The following ME3 variants were observed in gnomAD, a reference collection of about 807,000 sequenced individuals.
The protein encoded by ME3 is NADP-dependent malic enzyme, mitochondrial.
ME3 carries 48 observed loss-of-function variants against 68.9 expected under a neutral mutation model. The ratio of observed to expected loss-of-function variants is 0.70; its 90% CI spans 0.55 to 0.89. The LOEUF is 0.89. Ranked by LOEUF, ME3 falls within the 40% of genes least tolerant of loss-of-function variation. The pLI, the probability that ME3 is intolerant of heterozygous loss-of-function variation, is 0.00. For missense variants in ME3, 675 were observed against 797.4 expected (o/e 0.85, Z 1.85); for synonymous variants, 320 against 318.8 (o/e 1.00, Z -0.04).
chr11:86,608,723 A>G (rs1942336165), intron 2 of ME3, among the ~76,000 whole-genome samples: 1 of 152,250 alleles, frequency 6.6e-6, no homozygotes, highest in Admixed American at 6.5e-5. Context: ...AAACTTTACT[A>G]TTCTCTAAAT....
intron 7 of ME3, among the ~76,000 whole-genome samples, chr11:86,476,726 T>C (rs1021399782): frequency 1.3e-5 from 2 of 152,150 alleles, no homozygotes; most frequent in African/African-American, 4.8e-5. Context: ...CAAAACTGAA[T>C]AGGTCTGTGT....
chr11:86,486,517 G>A (rs1951695532), intron 7 of ME3, among the ~76,000 whole-genome samples: 1 of 152,210 alleles, frequency 6.6e-6, no homozygotes, highest in African/African-American at 2.4e-5. Flanking sequence ...GGTTGGAGAA[G>A]CTGAGCTTGG....
intron 2 of ME3, among the ~76,000 whole-genome samples, chr11:86,631,837 A>G (rs573477897): frequency 1.3e-5 from 2 of 152,218 alleles, no homozygotes; most frequent in Admixed American, 6.5e-5. Flanking sequence ...GGTTCAAGCA[A>G]TTCTCCTGCC....
At chr11:86,645,051 T>C (rs1944911138) in intron 2 of ME3, among the ~76,000 whole-genome samples, 1 of 152,234 alleles carries the variant, frequency 6.6e-6, no homozygotes, top group African/African-American at 2.4e-5. Flanking sequence ...CTTTTCCCAC[T>C]GTCTTTGCAA....
At position 86,595,302 on chromosome 11, in the gene ME3, T is replaced by G. The variant is rs1029103809; in HGVS notation, c.184-35479A>C. Among the ~76,000 whole-genome samples, 46 of 63,166 alleles carry G rather than the reference T, an allele frequency of 7.3e-4. 2 individuals carry two copies. The highest frequency in any genetic ancestry group is 1.7e-3 in the African/African-American group (33 of 19,216). 41.4% of individuals were successfully genotyped at this position (63,166 alleles called of 152,430 possible). A position where few individuals can be genotyped will look rare whatever the true frequency, so the allele number is the denominator to read the frequency against. On this transcript the variant is annotated intron_variant, in intron 2 of 14. Coordinates refer to ENST00000543262, the Ensembl canonical transcript of ME3. ...ATATATATACATATACATATATATA[T>G]ATATAGAGAGAGAGAGAGAGAGAGA...
intron 11 of ME3, 73 bp from the exon 12 acceptor site, chr11:86,447,280 T>A (rs1007780039): frequency 3.2e-6 from 5 of 1,560,080 alleles, no homozygotes; most frequent in Admixed American, 3.5e-5. Context: ...CTGGTGGTGG[T>A]GGGGGAACTA....
chr11:86,583,629 C>A (rs1178963105), intron 2 of ME3, among the ~76,000 whole-genome samples: 2 of 152,056 alleles, frequency 1.3e-5, no homozygotes, highest in African/African-American at 4.8e-5. Context: ...TAAGGAACCC[C>A]AGGAGTCCTG....
intron 2 of ME3, among the ~76,000 whole-genome samples, chr11:86,620,625 G>A (rs1432016836): frequency 6.6e-6 from 1 of 152,086 alleles, no homozygotes; most frequent in Admixed American, 6.6e-5. Context: ...CACATGTAAG[G>A]GAACAATCAT....
chr11:86,655,975 G>C (rs968245129), intron 2 of ME3, among the ~76,000 whole-genome samples: 18 of 151,882 alleles, frequency 1.2e-4, no homozygotes, highest in Non-Finnish European at 2.2e-4. Flanking sequence ...AGACATTTAT[G>C]CAGCCAAAAG....
intron 2 of ME3, among the ~76,000 whole-genome samples, chr11:86,623,516 G>A (rs199597905): frequency 2.0e-5 from 3 of 151,552 alleles, no homozygotes; most frequent in Non-Finnish European, 4.4e-5. Flanking sequence ...TTTGGAGAAC[G>A]CTAACATGAT....
chr11:86,598,814 C>T (rs1960045472), intron 2 of ME3, among the ~76,000 whole-genome samples: 1 of 152,192 alleles, frequency 6.6e-6, no homozygotes, highest in Admixed American at 6.5e-5. Flanking sequence ...GTTCTGCAGA[C>T]ACCGCTGCTG....
intron 4 of ME3, among the ~76,000 whole-genome samples, chr11:86,538,703 T>C (rs1164140767): frequency 1.3e-5 from 2 of 152,152 alleles, no homozygotes; most frequent in Non-Finnish European, 2.9e-5. Flanking sequence ...CCCTGTGGGC[T>C]CTCCTCTTTA....
chr11:86,446,720 A>G (rs1949323793), intron 12 of ME3, among the ~76,000 whole-genome samples: 1 of 152,204 alleles, frequency 6.6e-6, no homozygotes, highest in Non-Finnish European at 1.5e-5. Context: ...GGTTCACAGC[A>G]CCATTTTTGT....
chr11:86,650,733 G>C (rs1034781492), intron 2 of ME3, among the ~76,000 whole-genome samples: 1 of 152,212 alleles, frequency 6.6e-6, no homozygotes, highest in African/African-American at 2.4e-5. Flanking sequence ...ACCAGGGATT[G>C]TCAGACAGTG....
At chr11:86,626,483 T>G (rs575748514) in intron 2 of ME3, among the ~76,000 whole-genome samples, 1 of 152,220 alleles carries the variant, frequency 6.6e-6, no homozygotes, top group African/African-American at 2.4e-5. Flanking sequence ...TGGCACCCTC[T>G]CCTCAGAAGT....
At chr11:86,549,604 T>C (rs1289668841) in intron 4 of ME3, among the ~76,000 whole-genome samples, 1 of 152,226 alleles carries the variant, frequency 6.6e-6, no homozygotes, top group Non-Finnish European at 1.5e-5. Context: ...CCTAAATGAT[T>C]AACCACCCTT....
At chr11:86,533,335 A>G (rs767099745) in intron 4 of ME3, among the ~76,000 whole-genome samples, 26 of 152,206 alleles carry the variant, frequency 1.7e-4, no homozygotes, top group Admixed American at 5.9e-4. Context: ...CTACAGAAAT[A>G]CAAAAGATCA....
At chr11:86,488,049 G>A (rs1461407621) in intron 6 of ME3, among the ~76,000 whole-genome samples, 1 of 152,188 alleles carries the variant, frequency 6.6e-6, no homozygotes, top group African/African-American at 2.4e-5. Context: ...GCATGGTGGT[G>A]TATGTCTTTG....
At chr11:86,468,085 C>T (rs748450542) in intron 7 of ME3, among the ~76,000 whole-genome samples, 1 of 152,128 alleles carries the variant, frequency 6.6e-6, no homozygotes, top group Non-Finnish European at 1.5e-5. Context: ...TTCACACTGT[C>T]CCATCTCAGT....
Sources: allele counts gnomAD v4.1 joint callset (sites outside exome capture counted in the v4.1 genomes callset), GRCh38; gene constraint gnomAD v4.1.1; transcripts MANE v1.5; gene names NCBI Gene and HGNC (gene_info 2026-07-23, HGNC 2026-07-21).